The following TAFA4 variants were observed in gnomAD, a reference collection of about 807,000 sequenced individuals.
TAFA4 encodes the protein TAFA chemokine like family member 4, also known as chemokine-like protein TAFA-4.
Under a neutral mutation model 21.1 loss-of-function variants are expected in TAFA4, and 20 were observed. The observed-to-expected ratio is 0.95, with a 90% CI of 0.67 to 1.38. The LOEUF is 1.38. Among genes scored for constraint, TAFA4 ranks in the 40% most tolerant of loss-of-function variants. The probability of loss-of-function intolerance (pLI) is 0.00; values close to 1 mark genes in which losing one functional copy is unlikely to be tolerated. For missense variants in TAFA4, 211 were observed against 180.9 expected, an observed-to-expected ratio of 1.17 and a Z score of -0.95; for synonymous variants, 71 against 67.4, an observed-to-expected ratio of 1.05 and a Z score of -0.26.
At chr3:68,924,549 G>C (rs1335788643) in intron 1 of TAFA4, among the ~76,000 whole-genome samples, 1 of 152,214 alleles carries the variant, frequency 6.6e-6, no homozygotes, top group Admixed American at 6.5e-5. Context: ...TCTGTGGATG[G>C]AATGGGCAAT....
intron 1 of TAFA4, among the ~76,000 whole-genome samples, chr3:68,901,083 T>C (rs1485042213): frequency 6.6e-6 from 1 of 152,128 alleles, no homozygotes; most frequent in East Asian, 1.9e-4. Flanking sequence ...GGGAGAAATA[T>C]ATAAATTTAG....
In TAFA4 at chr3:68,880,794, G is replaced by A; in HGVS notation, c.66C>T (p.Ala22=). ...SVLLSHWLFL[A]YVLMVCCKLM... is the part of the protein sequence containing the mutation. ...GCTTACAGCACACCATTAACACGTAGGCTAGAAAGAGCCAGTGCGACAGCA... is the reference window on the plus strand; with the variant it reads ...GCTTACAGCACACCATTAACACGTAAGCTAGAAAGAGCCAGTGCGACAGCA... The change falls in exon 3 of 6, where the codon GCC becomes GCT. Residue 22 remains alanine (A), a synonymous_variant. Transcript: ENST00000295569. The A allele has an allele frequency of 6.2e-7, 1 of 1,613,896 alleles. No individual in the cohort carries two copies. Among genetic ancestry groups the A allele is most frequent in the Non-Finnish European group, 8.5e-7 (1 of 1,179,954 alleles).
intron 3 of TAFA4, among the ~76,000 whole-genome samples, chr3:68,855,814 CCTGTT>C (rs1450841469): frequency 6.6e-6 from 1 of 151,930 alleles, no homozygotes; most frequent in African/African-American, 2.4e-5. Context: ...GTCAAGTAAC[CCTGTT>C]CTGACCACCG....
intron 3 of TAFA4, among the ~76,000 whole-genome samples, chr3:68,861,109 G>A (rs561939347): frequency 7.0e-6 from 1 of 143,340 alleles, no homozygotes; most frequent in South Asian, 2.2e-4. Flanking sequence ...TTCCTAAAGG[G>A]ACACTTACAT....
intron 1 of TAFA4, among the ~76,000 whole-genome samples, chr3:68,889,286 C>G (rs2089707705): frequency 6.6e-6 from 1 of 152,146 alleles, no homozygotes; most frequent in Non-Finnish European, 1.5e-5. Context: ...AGCAGAAAGC[C>G]TATTTATGTC....
At chr3:68,865,156 T>C (rs1039489151) in intron 3 of TAFA4, among the ~76,000 whole-genome samples, 6 of 152,196 alleles carry the variant, frequency 3.9e-5, no homozygotes, top group Non-Finnish European at 8.8e-5. Context: ...AAATAAAATA[T>C]GTGCATTGAC....
At chr3:68,734,286 G>T (rs1022393425) in intron 5 of TAFA4, among the ~76,000 whole-genome samples, 1 of 152,108 alleles carries the variant, frequency 6.6e-6, no homozygotes, top group Non-Finnish European at 1.5e-5. Flanking sequence ...GCAGGCCAAG[G>T]GCTGGATTTG....
At chr3:68,821,285 T>C (rs116770515) in intron 3 of TAFA4, among the ~76,000 whole-genome samples, 3,441 of 149,712 alleles carry the variant, frequency 0.023, 124 homozygotes, top group African/African-American at 0.079. Context: ...CAATAAGATA[T>C]GATGGCTGTA....
At chr3:68,879,640 T>G (rs1242294320) in intron 3 of TAFA4, among the ~76,000 whole-genome samples, 1 of 152,194 alleles carries the variant, frequency 6.6e-6, no homozygotes, top group Admixed American at 6.5e-5. Context: ...CAATCATTAT[T>G]TTTCTCATCT....
chr3:68,850,007 T>G (rs913004664), intron 3 of TAFA4, among the ~76,000 whole-genome samples: 2 of 152,210 alleles, frequency 1.3e-5, no homozygotes, highest in African/African-American at 4.8e-5. Flanking sequence ...TGAGAAATGA[T>G]TACCACAGTC....
In TAFA4 at chr3:68,885,194, G is replaced by A. The variant is rs749613557; in HGVS notation, c.-6C>T. 1.2e-6 allele frequency: 2 copies of A among 1,612,620 alleles called. No homozygotes were observed. The highest frequency in any genetic ancestry group is 2.2e-5 in the East Asian group (1 of 44,822). On this transcript the variant is annotated 5_prime_UTR_variant, in exon 2 of 6. Transcript: ENST00000295569. ...TCTTACCTTGGGGACCTCATAAGAT[G>A]TGGTTCTAGTCAAACACACTTATTC...
At chr3:68,829,502 C>T (rs907644330) in intron 3 of TAFA4, among the ~76,000 whole-genome samples, 1 of 152,086 alleles carries the variant, frequency 6.6e-6, no homozygotes, top group Non-Finnish European at 1.5e-5. Flanking sequence ...TATTGATTTG[C>T]GTATGTTGAA....
At chr3:68,848,612 C>G (rs546160883) in intron 3 of TAFA4, among the ~76,000 whole-genome samples, 3 of 152,270 alleles carry the variant, frequency 2.0e-5, no homozygotes, top group Admixed American at 6.5e-5. Context: ...TATAAATGGA[C>G]AAGCATATTT....
chr3:68,897,202 T>C (rs1278857304), intron 1 of TAFA4, among the ~76,000 whole-genome samples: 1 of 152,132 alleles, frequency 6.6e-6, no homozygotes, highest in Non-Finnish European at 1.5e-5. Context: ...ACGCCTGGCC[T>C]AATCTATTGT....
At chr3:68,752,224 G>A (rs1205055026) in intron 4 of TAFA4, among the ~76,000 whole-genome samples, 3 of 152,116 alleles carry the variant, frequency 2.0e-5, no homozygotes, top group African/African-American at 7.2e-5. Context: ...GTTCCCCTGG[G>A]GACTGACACT....
chr3:68,856,393 T>G (rs1705070068), intron 3 of TAFA4, among the ~76,000 whole-genome samples: 1 of 152,262 alleles, frequency 6.6e-6, no homozygotes, highest in East Asian at 1.9e-4. Flanking sequence ...GGCACAAAAG[T>G]GTAAGATAGG....
At chr3:68,855,849 G>T (rs1028864142) in intron 3 of TAFA4, among the ~76,000 whole-genome samples, 2 of 151,986 alleles carry the variant, frequency 1.3e-5, no homozygotes, top group African/African-American at 4.8e-5. Context: ...AGCTTTCACT[G>T]GGCGTGACTT....
chr3:68,747,863 T>C (rs73835343), intron 4 of TAFA4, among the ~76,000 whole-genome samples: 2,227 of 152,316 alleles, frequency 0.015, 54 homozygotes, highest in African/African-American at 0.051. Flanking sequence ...AAATTTGACT[T>C]ATTCTAAGGC....
chr3:68,832,679 G>A (rs1319318953), intron 3 of TAFA4, among the ~76,000 whole-genome samples: 8 of 152,206 alleles, frequency 5.3e-5, no homozygotes, highest in Admixed American at 5.2e-4. Context: ...CATTATCAGA[G>A]CTTGAATGCC....
Sources: allele counts gnomAD v4.1 joint callset (sites outside exome capture counted in the v4.1 genomes callset), GRCh38; gene constraint gnomAD v4.1.1; transcripts MANE v1.5; gene names NCBI Gene and HGNC (gene_info 2026-07-23, HGNC 2026-07-21).